Variants in GDF6 observed in about 807,000 individuals in gnomAD.
GDF6 encodes growth differentiation factor 6.
GDF6 carries 3 observed loss-of-function variants against 32.4 expected under a neutral mutation model. That is an observed-to-expected ratio of 0.09 (90% CI 0.04 to 0.24). The LOEUF (loss-of-function observed/expected upper bound fraction) is 0.24, where lower values mean the gene tolerates loss of function less well. Among genes scored for constraint, GDF6 ranks in the 10% least tolerant of loss-of-function variants. GDF6 has a pLI of 1.00. For missense variants in GDF6, 589 were observed against 637.9 expected (o/e 0.92, Z 0.83); for synonymous variants, 296 against 295.3 (o/e 1.00, Z -0.03).
chr8:96,147,453 T>C (rs1368209102), intron 1 of GDF6, among the ~76,000 whole-genome samples: 2 of 152,208 alleles, frequency 1.3e-5, no homozygotes, highest in African/African-American at 2.4e-5. Flanking sequence ...TTCCTGCCTC[T>C]CTCCCCAAAC....
chr8:96,144,396 A>G lies in GDF6; in HGVS notation c.*167T>C, dbSNP rs1222466676. On this transcript the variant is annotated 3_prime_UTR_variant, in exon 2 of 2. Transcript: ENST00000287020. The surrounding 1 kb of genome is among the most constrained non-coding windows in gnomAD (Gnocchi z 5.1). ...GGCTGGCAGGTAGAAGTTACTGGGA[A>G]GGCTGCGCTCCCTTCTCTCCCACCG... 4 of 736,692 alleles carry G rather than the reference A, an allele frequency of 5.4e-6. No individual in the cohort carries two copies. Among genetic ancestry groups the G allele is most frequent in the Non-Finnish European group, 8.7e-6 (4 of 460,368 alleles). The allele number at this position is 736,692 out of a possible 1,614,324, so 45.6% of individuals were successfully genotyped here. A position where few individuals can be genotyped will look rare whatever the true frequency, so the allele number is the denominator to read the frequency against.
intron 1 of GDF6, among the ~76,000 whole-genome samples, chr8:96,153,135 C>T (rs919447046): frequency 6.6e-6 from 1 of 152,216 alleles, no homozygotes; most frequent in Non-Finnish European, 1.5e-5. Flanking sequence ...GGGGAGAAGC[C>T]CTCTCCCGTG....
Position 96,144,850 on chromosome 8 carries a change from C to T in GDF6, c.1081G>A (p.Val361Met), listed in dbSNP as rs771878776. The T allele has an allele frequency of 3.1e-6, 5 of 1,614,034 alleles. No individual in the cohort carries two copies. Among genetic ancestry groups the T allele is most frequent in the South Asian group, 1.1e-5 (1 of 91,072 alleles). Residue 361 changes from valine (V) to methionine (M), a missense_variant, in exon 2 of 2, where the codon GTG (valine) becomes ATG (methionine). Coordinates refer to ENST00000287020, the MANE Select transcript of GDF6 (RefSeq NM_001001557.4). This position sits in a 1 kb window ranked among gnomAD's most constrained non-coding sequence, Gnocchi z 5.1. Reference sequence around the variant, plus strand: ...TCCCAGCCCAGCTCCTTGAAGTTCACGTGCAGGGGCTTCTTGCTGCAGCGT... The same window carrying T: ...TCCCAGCCCAGCTCCTTGAAGTTCATGTGCAGGGGCTTCTTGCTGCAGCGT... ...RLRCSKKPLH[V>M]NFKELGWDDW...
chr8:96,154,257 G>C (rs927748314), intron 1 of GDF6, among the ~76,000 whole-genome samples: 3 of 151,944 alleles, frequency 2.0e-5, no homozygotes, highest in South Asian at 4.1e-4. Flanking sequence ...CCCAGGCGCC[G>C]GGGCCACTAG....
At chr8:96,156,023 C>T (rs1264922564) in intron 1 of GDF6, among the ~76,000 whole-genome samples, 1 of 152,138 alleles carries the variant, frequency 6.6e-6, no homozygotes, top group Non-Finnish European at 1.5e-5. Context: ...CTGCTCTGCC[C>T]TTTGGTAATC....
intron 1 of GDF6, among the ~76,000 whole-genome samples, chr8:96,153,890 C>T (rs1812613323): frequency 6.6e-6 from 1 of 152,100 alleles, no homozygotes; most frequent in Non-Finnish European, 1.5e-5. Flanking sequence ...CAATCTCTGT[C>T]TGCGGTGTTC....
Position 96,144,936 on chromosome 8 carries a change from C to G in GDF6, c.995G>C (p.Arg332Pro). Reference protein sequence around the residue: ...ARPWLPSPGRRRRRTAFASRH... With the variant: ...ARPWLPSPGRPRRRTAFASRH... ...ACTGGCGAAGGCCGTGCGCCGCCGCCGGCGGCCGGGCGAGGGCAGCCAAGG... is the reference window on the plus strand; with the variant it reads ...ACTGGCGAAGGCCGTGCGCCGCCGCGGGCGGCCGGGCGAGGGCAGCCAAGG... Residue 332 changes from arginine to proline, a missense_variant, in exon 2 of 2, where the codon CGG (arginine) becomes CCG (proline). By Grantham distance (103) the Arg-to-Pro change is moderately radical (BLOSUM62 -2). This residue lies in a region of GDF6 where 153 missense variants were observed against 226.7 expected (regional missense o/e 0.67). Coordinates refer to ENST00000287020, the MANE Select transcript of GDF6 (RefSeq NM_001001557.4). This position sits in a 1 kb window ranked among gnomAD's most constrained non-coding sequence, Gnocchi z 5.1. 1 of 1,583,406 alleles carries G rather than the reference C, an allele frequency of 6.3e-7. No individual in the cohort carries two copies. The highest frequency in any genetic ancestry group is 8.6e-7 in the Non-Finnish European group (1 of 1,165,612).
At chr8:96,159,819 TC>T (rs1282831190) in intron 1 of GDF6, among the ~76,000 whole-genome samples, 2 of 152,220 alleles carry the variant, frequency 1.3e-5, no homozygotes, top group Non-Finnish European at 2.9e-5. Context: ...ACTGTGGGAC[TC>T]CCTAGTGCCG....
Position 96,144,173 on chromosome 8 carries a change from T to G in GDF6, c.*390A>C. 4.2e-6 allele frequency: 1 copy of G among 237,774 alleles called. No homozygotes were observed. The highest frequency in any genetic ancestry group is 8.3e-6 in the Non-Finnish European group (1 of 120,836). 14.7% of individuals were successfully genotyped at this position (237,774 alleles called of 1,614,324 possible). A position where few individuals can be genotyped will look rare whatever the true frequency, so the allele number is the denominator to read the frequency against. On this transcript the variant is annotated 3_prime_UTR_variant, in exon 2 of 2. Coordinates refer to ENST00000287020, the MANE Select transcript of GDF6 (RefSeq NM_001001557.4). This position sits in a 1 kb window ranked among gnomAD's most constrained non-coding sequence, Gnocchi z 5.1. The stretch of plus-strand genomic sequence containing the variant: ...ATCCATGGAGCAGTTGAGAAACGGG[T>G]ATGCATCTCTCCTCCCCTCCCCTTC...
chr8:96,144,285 A>AGAGAGAGAGAGG lies in GDF6; in HGVS notation c.*277_*278insCCTCTCTCTCTC, dbSNP rs1563507972. On this transcript the variant is annotated 3_prime_UTR_variant, in exon 2 of 2. Transcript: ENST00000287020. The surrounding 1 kb of genome is among the most constrained non-coding windows in gnomAD (Gnocchi z 5.1). ...GAGAGAGAGAGAGAGAGAGAGAGAG[A>AGAGAGAGAGAGG]GAGAGAAAACAGAACAAAAGAAATC... 7 of 495,326 alleles carry AGAGAGAGAGAGG rather than the reference A, an allele frequency of 1.4e-5. No homozygotes were observed. The highest frequency in any genetic ancestry group is 2.2e-5 in the African/African-American group (1 of 45,376). The allele number at this position is 495,326 out of a possible 1,614,324, so 30.7% of individuals were successfully genotyped here.
Position 96,145,452 on chromosome 8 carries a change from T to A in GDF6, c.479A>T (p.Glu160Val), listed in dbSNP as rs1212322902. ...GAGCCGCAGCTCCGCGCCCACCAGC[T>A]CTTCTTTGTCTGAGAGCATGGACAC... ...FDVSMLSDKEELVGAELRLFR... is the reference protein window; with the variant it reads ...FDVSMLSDKEVLVGAELRLFR... The change falls in exon 2 of 2, where the codon GAG becomes GTG. Residue 160 changes from glutamate (E) to valine (V), a missense_variant. Glu to Val is a moderately radical substitution (Grantham distance 121). Around this residue, in one of 2 missense-constraint regions of GDF6, gnomAD observed 436 missense variants for 411.2 expected, o/e 1.06. Coordinates refer to ENST00000287020, the MANE Select transcript of GDF6 (RefSeq NM_001001557.4). The surrounding 1 kb of genome is among the most constrained non-coding windows in gnomAD (Gnocchi z 5.6). 1.3e-6 allele frequency: 2 copies of A among 1,597,438 alleles called. No homozygotes were observed. The highest frequency in any genetic ancestry group is 2.7e-5 in the African/African-American group (2 of 74,922).
chr8:96,143,140 CT>C lies in GDF6; in HGVS notation c.*1422del, dbSNP rs1812400979. 6.6e-6 allele frequency: 1 copy of C among 152,292 alleles called. No homozygotes were observed. Among genetic ancestry groups the C allele is most frequent in the Admixed American group, 6.5e-5 (1 of 15,284 alleles). 9.4% of individuals were successfully genotyped at this position (152,292 alleles called of 1,614,324 possible). A position where few individuals can be genotyped will look rare whatever the true frequency, so the allele number is the denominator to read the frequency against. ...AGAAGACGAATTCCACCCCTGTCTC[CT>C]TCCTCACTGCCTGTTCCCCATCTCC... On this transcript the variant is annotated 3_prime_UTR_variant, in exon 2 of 2. Coordinates refer to ENST00000287020, the MANE Select transcript of GDF6 (RefSeq NM_001001557.4).
At position 96,147,241 on chromosome 8, in the gene GDF6, T is replaced by A. The variant is rs368117417; in HGVS notation, c.407-1717A>T. ...CTTACGCACATGCCCCAACCTGAGA[T>A]GGGGTGTGGGAAGGGTTAGAGAGGT... On this transcript the variant is annotated intron_variant, in intron 1 of 1. Transcript: ENST00000287020. 3.9e-5 allele frequency among the ~76,000 whole-genome samples: 6 copies of A among 152,144 alleles called. No homozygotes were observed. In the East Asian group the frequency reaches 1.2e-3, roughly 29 times the overall value.
In GDF6 at chr8:96,144,475, C is replaced by A; in HGVS notation, c.*88G>T. The A allele has an allele frequency of 6.6e-7, 1 of 1,511,370 alleles. No homozygotes were observed. The highest frequency in any genetic ancestry group is 1.2e-5 in the South Asian group (1 of 81,222). 93.6% of individuals were successfully genotyped at this position (1,511,370 alleles called of 1,614,324 possible). The stretch of plus-strand genomic sequence containing the variant: ...CTCAGCCTCCCCCAGCGCCAGCTTC[C>A]TCCTCCGCCTCTCTGCAGCCAGGCC... On this transcript the variant is annotated 3_prime_UTR_variant, in exon 2 of 2. Transcript: ENST00000287020. This position sits in a 1 kb window ranked among gnomAD's most constrained non-coding sequence, Gnocchi z 5.1.
rs1266231101 is a variant in GDF6, at chr8:96,144,791, G to A, written c.1140C>T (p.Ala380=). ...AGTCGCATACACCCTCGCAGTGATA[G>A]GCCTCGTACTCCAGGGGCGCGATAA... ...DWIIAPLEYE[A]YHCEGVCDFP... is the part of the protein sequence containing the mutation. The change falls in exon 2 of 2, where the codon GCC becomes GCT. Residue 380 remains alanine, a synonymous_variant. Transcript: ENST00000287020. This position sits in a 1 kb window ranked among gnomAD's most constrained non-coding sequence, Gnocchi z 5.1. 17 of 1,614,012 alleles carry A rather than the reference G, an allele frequency of 1.1e-5. No individual in the cohort carries two copies. The highest frequency in any genetic ancestry group is 1.4e-5 in the Non-Finnish European group (16 of 1,180,024).
In GDF6 at chr8:96,145,311, G is replaced by GC; in HGVS notation, c.619dup (p.Ala207GlyfsTer232). On this transcript the variant is annotated frameshift_variant, in exon 2 of 2. Coordinates refer to ENST00000287020, the MANE Select transcript of GDF6 (RefSeq NM_001001557.4). LOFTEE classifies it high-confidence loss of function. The surrounding 1 kb of genome is among the most constrained non-coding windows in gnomAD (Gnocchi z 5.6). ...GAAGACTTCCCAGCCGGCCGGCGGC[G>GC]CCCCCTGCGGGTCCAGGGTCCGCGC... is the stretch of plus-strand genomic sequence containing the variant. 6.5e-7 allele frequency: 1 copy of GC among 1,531,714 alleles called. No individual in the cohort carries two copies. Among genetic ancestry groups the GC allele is most frequent in the Non-Finnish European group, 8.7e-7 (1 of 1,145,416 alleles). The allele number at this position is 1,531,714 out of a possible 1,614,324, so 94.9% of individuals were successfully genotyped here.
At chr8:96,151,985 C>T (rs1195682505) in intron 1 of GDF6, among the ~76,000 whole-genome samples, 1 of 152,156 alleles carries the variant, frequency 6.6e-6, no homozygotes, top group African/African-American at 2.4e-5. Context: ...GTGAATGCAG[C>T]CAATATTTCT....
Position 96,160,269 on chromosome 8 carries a change from G to T in GDF6, c.406+18C>A, listed in dbSNP as rs1812737452. On this transcript the variant is annotated intron_variant, in intron 1 of 1. Coordinates refer to ENST00000287020, the MANE Select transcript of GDF6 (RefSeq NM_001001557.4). ...AGCTCCAGCGGGAGGGGAGTCGAGCGTTTTCTTTGCCACTTACCTAGTCCC... is the reference window on the plus strand; with the variant it reads ...AGCTCCAGCGGGAGGGGAGTCGAGCTTTTTCTTTGCCACTTACCTAGTCCC... 2.5e-6 allele frequency: 4 copies of T among 1,614,082 alleles called. No homozygotes were observed. Among genetic ancestry groups the T allele is most frequent in the Non-Finnish European group, 1.7e-6 (2 of 1,179,884 alleles).
chr8:96,151,223 C>T (rs918805798), intron 1 of GDF6, among the ~76,000 whole-genome samples: 1 of 152,188 alleles, frequency 6.6e-6, no homozygotes, highest in Non-Finnish European at 1.5e-5. Context: ...TACAATTCAC[C>T]CTTTCCAGGG....
Sources: gnomAD v4.1 joint callset for allele counts (sites outside exome capture counted in the v4.1 genomes callset) on GRCh38, gnomAD v4.1.1 for gene constraint, gnomAD v4.1.1 regional missense constraint, Gnocchi (gnomAD v3.1) non-coding constraint, MANE v1.5 for transcripts, NCBI Gene and HGNC (gene_info 2026-07-23, HGNC 2026-07-21) for gene names.